THEMIS2: variants seen among roughly 807,000 people sequenced by gnomAD.
THEMIS2 encodes the protein thymocyte selection associated family member 2.
A neutral mutation model predicts 46.8 loss-of-function variants in THEMIS2; 29 were observed. The ratio of observed to expected loss-of-function variants is 0.62; its 90% CI spans 0.46 to 0.84. The LOEUF (loss-of-function observed/expected upper bound fraction) is 0.84, where lower values mean the gene tolerates loss of function less well. Ranked by LOEUF, THEMIS2 falls within the 40% of genes least tolerant of loss-of-function variation. The probability of loss-of-function intolerance (pLI) is 0.00; values close to 1 mark genes in which losing one functional copy is unlikely to be tolerated. For synonymous variants in THEMIS2, 335 were observed against 349.1 expected, an observed-to-expected ratio of 0.96 and a Z score of 0.45; for missense variants, 698 against 834.7, an observed-to-expected ratio of 0.84 and a Z score of 2.02.
At chr1:27,874,687 T>A (rs2089547168) in intron 1 of THEMIS2, among the ~76,000 whole-genome samples, 1 of 151,838 alleles carries the variant, frequency 6.6e-6, no homozygotes, top group Non-Finnish European at 1.5e-5. Context: ...GAGGCTGAGG[T>A]GGGAGGATTG....
intron 1 of THEMIS2, among the ~76,000 whole-genome samples, chr1:27,875,076 T>C (rs905762032): frequency 2.0e-5 from 3 of 152,012 alleles, no homozygotes; most frequent in Admixed American, 2.0e-4. Context: ...CCTCCTGGGT[T>C]CAAGCAATTC....
chr1:27,882,131 T>C lies in THEMIS2; in HGVS notation c.807T>C (p.Pro269=), dbSNP rs749517986. 8 of 1,614,082 alleles carry C rather than the reference T, an allele frequency of 5.0e-6. No homozygotes were observed. The East Asian group carries it at 1.3e-4, about 27-fold the overall frequency. The change falls in exon 4 of 6, where the codon CCT becomes CCC. Residue 269 remains proline, a synonymous_variant. Coordinates refer to ENST00000373921, the MANE Select transcript of THEMIS2 (RefSeq NM_001105556.3). The surrounding 1 kb of genome is among the most constrained non-coding windows in gnomAD (Gnocchi z 7.6). ...FPLSMEILEV[P]EGRPIFLSPW... ...TGTCCATGGAGATCCTGGAGGTTCC[T>C]GAGGGCCGCCCCATCTTCCTCAGCC...
chr1:27,882,258 A>G lies in THEMIS2; in HGVS notation c.934A>G (p.Arg312Gly). Residue 312 changes from arginine (R) to glycine (G), a missense_variant, in exon 4 of 6, where the codon AGG (arginine) becomes GGG (glycine). Physicochemically the swap from Arg to Gly is moderately radical, Grantham distance 125. Coordinates refer to ENST00000373921, the MANE Select transcript of THEMIS2 (RefSeq NM_001105556.3). This position sits in a 1 kb window ranked among gnomAD's most constrained non-coding sequence, Gnocchi z 7.6. ...LASSKGRKVPRHFLVSGGYQG... is the reference protein window; with the variant it reads ...LASSKGRKVPGHFLVSGGYQG... ...CTCAAGCAAGGGCCGCAAGGTGCCC[A>G]GGCACTTCCTGGTGTCAGGGGGCTA... 6.2e-7 allele frequency: 1 copy of G among 1,608,374 alleles called. No homozygotes were observed. The highest frequency in any genetic ancestry group is 1.3e-5 in the African/African-American group (1 of 74,942).
chr1:27,872,589 G>T lies in THEMIS2; in HGVS notation c.18G>T (p.Leu6=). 1.3e-6 allele frequency: 2 copies of T among 1,489,642 alleles called. No homozygotes were observed. Among genetic ancestry groups the T allele is most frequent in the South Asian group, 1.2e-5 (1 of 80,208 alleles). The allele number at this position is 1,489,642 out of a possible 1,614,324, so 92.3% of individuals were successfully genotyped here. MEPVP[L]QDFVRALDPA... ...CGGGGACCATGGAGCCGGTGCCGCTGCAGGACTTCGTGCGCGCCTTGGACC... is the reference window on the plus strand; with the variant it reads ...CGGGGACCATGGAGCCGGTGCCGCTTCAGGACTTCGTGCGCGCCTTGGACC... Residue 6 remains leucine (L), a synonymous_variant, in exon 1 of 6, where the codon CTG becomes CTT. Coordinates refer to ENST00000373921, the MANE Select transcript of THEMIS2 (RefSeq NM_001105556.3). This position sits in a 1 kb window ranked among gnomAD's most constrained non-coding sequence, Gnocchi z 4.9.
Position 27,886,210 on chromosome 1 carries a change from C to T in THEMIS2, c.*288C>T. ...GGCAGGGTTCCTCTCAATCCTGCAA[C>T]CCCAGCTGTCCCACCGGTGGATGCA... On this transcript the variant is annotated 3_prime_UTR_variant, in exon 6 of 6. Coordinates refer to ENST00000373921, the MANE Select transcript of THEMIS2 (RefSeq NM_001105556.3). 2.3e-6 allele frequency: 1 copy of T among 435,516 alleles called. No homozygotes were observed. Among genetic ancestry groups the T allele is most frequent in the South Asian group, 2.7e-5 (1 of 36,570 alleles). 27.0% of individuals were successfully genotyped at this position (435,516 alleles called of 1,614,324 possible).
chr1:27,876,805 A>T, intron 2 of THEMIS2, 77 bp downstream of exon 2: 1 of 1,548,270 alleles, frequency 6.5e-7, no homozygotes, highest in Non-Finnish European at 8.8e-7. Context: ...TGGGCTTGCC[A>T]CGTCCAGCAG....
At chr1:27,885,198 A>G in intron 4 of THEMIS2, 97 bp from the exon 5 acceptor site, 5 of 1,300,250 alleles carry the variant, frequency 3.8e-6, no homozygotes, top group Non-Finnish European at 5.3e-6. Flanking sequence ...TAGAGAGAGA[A>G]GCAGAGGAAG....
chr1:27,884,848 G>T (rs543447246), intron 4 of THEMIS2: 2 of 159,156 alleles, frequency 1.3e-5, no homozygotes, highest in Non-Finnish European at 2.8e-5. Flanking sequence ...CACTCAGAGG[G>T]TAACTTGAGG....
intron 1 of THEMIS2, among the ~76,000 whole-genome samples, chr1:27,873,302 T>C (rs181748240): frequency 2.4e-4 from 37 of 152,152 alleles, no homozygotes; most frequent in Admixed American, 9.8e-4. Flanking sequence ...TCACTAGTCA[T>C]TGCCTGAAGG....
Position 27,882,464 on chromosome 1 carries a change from C to CCAGGCCCATGGGGCCCAGGG in THEMIS2, c.1144_1163dup (p.Ser388ArgfsTer18). On this transcript the variant is annotated frameshift_variant, in exon 4 of 6. Transcript: ENST00000373921. LOFTEE classifies it high-confidence loss of function. The surrounding 1 kb of genome is among the most constrained non-coding windows in gnomAD (Gnocchi z 7.6). ...ACCGGCTGGAGGTGCTGGGGCCTGG[C>CCAGGCCCATGGGGCCCAGGG]CAGGCCCATGGGGCCCAGGGCAGTG... 1.2e-6 allele frequency: 2 copies of CCAGGCCCATGGGGCCCAGGG among 1,613,076 alleles called. No homozygotes were observed. The highest frequency in any genetic ancestry group is 1.7e-6 in the Non-Finnish European group (2 of 1,179,256).
At chr1:27,884,975 C>T (rs899388449) in intron 4 of THEMIS2, 5 of 232,856 alleles carry the variant, frequency 2.1e-5, no homozygotes, top group East Asian at 2.6e-4. Context: ...TCCTTTCTTA[C>T]GGTATCCCCA....
chr1:27,882,386 CTG>C lies in THEMIS2; in HGVS notation c.1065_1066del (p.Cys355Ter), dbSNP rs2148641336. 6.2e-7 allele frequency: 1 copy of C among 1,602,900 alleles called. No homozygotes were observed. Among genetic ancestry groups the C allele is most frequent in the East Asian group, 2.2e-5 (1 of 44,676 alleles). Reference sequence around the variant, plus strand: ...CACTCCGGGTGGTGGCCACAAAGGACTGTGAGGGCGAGAGGGAGGAGAATCCC... The same window carrying C: ...CACTCCGGGTGGTGGCCACAAAGGACTGAGGGCGAGAGGGAGGAGAATCCC... ...RPLRVVATKD[C>X]EGEREENPEF... On this transcript the variant is annotated frameshift_variant, in exon 4 of 6. Coordinates refer to ENST00000373921, the MANE Select transcript of THEMIS2 (RefSeq NM_001105556.3). LOFTEE classifies it high-confidence loss of function. This position sits in a 1 kb window ranked among gnomAD's most constrained non-coding sequence, Gnocchi z 7.6.
chr1:27,876,860 C>A, intron 2 of THEMIS2, 132 bp downstream of exon 2: 1 of 1,140,096 alleles, frequency 8.8e-7, no homozygotes, highest in South Asian at 1.5e-5. Context: ...CTCACATTCA[C>A]CACAACCCAG....
chr1:27,885,462 G>A lies in THEMIS2; in HGVS notation c.1876+11G>A. 6.2e-7 allele frequency: 1 copy of A among 1,612,094 alleles called. No homozygotes were observed. On this transcript the variant is annotated intron_variant, in intron 5 of 5. Coordinates refer to ENST00000373921, the MANE Select transcript of THEMIS2 (RefSeq NM_001105556.3). The stretch of plus-strand genomic sequence containing the variant: ...AAAGGCAGGATCTAGGTGAGTCCCT[G>A]TGGGCGCTGCTCACCCTTGTCCTTG...
chr1:27,875,207 G>C (rs931603136), intron 1 of THEMIS2, among the ~76,000 whole-genome samples: 15 of 152,104 alleles, frequency 9.9e-5, no homozygotes, highest in African/African-American at 3.6e-4. Flanking sequence ...TCGAACTCCT[G>C]ATCTCAGGTG....
At chr1:27,877,487 A>G (rs975332230) in intron 2 of THEMIS2, among the ~76,000 whole-genome samples, 4 of 151,924 alleles carry the variant, frequency 2.6e-5, no homozygotes, top group South Asian at 2.1e-4. Context: ...CACCACACCC[A>G]GCTAATTTTT....
chr1:27,880,201 ATTC>A, intron 3 of THEMIS2, 147 bp downstream of exon 3: 1 of 961,664 alleles, frequency 1.0e-6, no homozygotes, highest in East Asian at 2.7e-5. Flanking sequence ...CACTGAAGTT[ATTC>A]TTTTTTTTTG....
rs768236794 is a variant in THEMIS2 at position 27,882,387 on chromosome 1, T to G, written c.1063T>G (p.Cys355Gly). ...RPLRVVATKDCEGEREENPEF... is the reference protein window; with the variant it reads ...RPLRVVATKDGEGEREENPEF... ...ACTCCGGGTGGTGGCCACAAAGGAC[T>G]GTGAGGGCGAGAGGGAGGAGAATCC... Residue 355 changes from cysteine to glycine, a missense_variant, in exon 4 of 6, where the codon TGT (cysteine) becomes GGT (glycine). Physicochemically the swap from Cys to Gly is radical, Grantham distance 159. Coordinates refer to ENST00000373921, the MANE Select transcript of THEMIS2 (RefSeq NM_001105556.3). The surrounding 1 kb of genome is among the most constrained non-coding windows in gnomAD (Gnocchi z 7.6). The G allele has an allele frequency of 5.0e-6, 8 of 1,603,374 alleles. No individual in the cohort carries two copies. Among genetic ancestry groups the G allele is most frequent in the Non-Finnish European group, 6.8e-6 (8 of 1,173,512 alleles).
chr1:27,877,624 G>A (rs1318894259), intron 2 of THEMIS2, among the ~76,000 whole-genome samples: 1 of 152,090 alleles, frequency 6.6e-6, no homozygotes, highest in Non-Finnish European at 1.5e-5. Flanking sequence ...ACCATGCCCG[G>A]CCAGAGCTCA....
Sources: allele counts gnomAD v4.1 joint callset (sites outside exome capture counted in the v4.1 genomes callset), GRCh38; gene constraint gnomAD v4.1.1; non-coding constraint Gnocchi (gnomAD v3.1); transcripts MANE v1.5; gene names NCBI Gene and HGNC (gene_info 2026-07-23, HGNC 2026-07-21).